Variants in RUVBL1 observed in about 807,000 individuals in gnomAD.
RUVBL1 encodes ruvB-like 1.
Under a neutral mutation model 52.4 loss-of-function variants are expected in RUVBL1, and 4 were observed. The ratio of observed to expected loss-of-function variants is 0.08; its 90% CI spans 0.04 to 0.17. RUVBL1 has a LOEUF of 0.17. Among genes scored for constraint, RUVBL1 ranks in the 10% least tolerant of loss-of-function variants. The probability of loss-of-function intolerance (pLI) is 1.00; values close to 1 mark genes in which losing one functional copy is unlikely to be tolerated. For missense variants in RUVBL1, 298 were observed against 572.8 expected, an observed-to-expected ratio of 0.52 and a Z score of 4.90; for synonymous variants, 217 against 214.4, an observed-to-expected ratio of 1.01 and a Z score of -0.10.
chr3:128,130,582 G>T (rs1943857805), intron 1 of RUVBL1, among the ~76,000 whole-genome samples: 1 of 110,406 alleles, frequency 9.1e-6, no homozygotes. Flanking sequence ...GAAATAGCAA[G>T]ACCCCATCTC....
rs573674957 is a variant in RUVBL1 at position 128,153,419 on chromosome 3, CG to C, written c.-257del. 15 of 1,418,030 alleles carry C rather than the reference CG, an allele frequency of 1.1e-5. No individual in the cohort carries two copies. The African/African-American group carries it at 1.1e-4, about 10-fold the overall frequency. 87.8% of individuals were successfully genotyped at this position (1,418,030 alleles called of 1,614,324 possible). On this transcript the variant is annotated 5_prime_UTR_variant, in exon 1 of 10. Coordinates refer to the RUVBL1 transcript ENST00000464873. ...ACGGGTGTGCACAGCGCGCCGGTTA[CG>C]GGGGGGCAACTTAACGGGCCGGACC...
intron 1 of RUVBL1, among the ~76,000 whole-genome samples, chr3:128,142,817 G>C (rs1260687262): frequency 6.6e-6 from 1 of 151,832 alleles, no homozygotes; most frequent in Admixed American, 6.6e-5. Flanking sequence ...GTCTCACTCT[G>C]TCGCCCAGGC....
intron 1 of RUVBL1, among the ~76,000 whole-genome samples, chr3:128,137,179 C>A (rs969721899): frequency 8.6e-5 from 13 of 151,738 alleles, no homozygotes; most frequent in South Asian, 6.2e-4. Flanking sequence ...CAAACCAAAT[C>A]TAAAATTAGT....
intron 8 of RUVBL1, among the ~76,000 whole-genome samples, chr3:128,092,464 C>A (rs1942864249): frequency 6.6e-6 from 1 of 151,420 alleles, no homozygotes; most frequent in African/African-American, 2.4e-5. Flanking sequence ...TGATAAAGAT[C>A]TAGTATCCAG....
chr3:128,115,950 AC>A (rs1295723936), intron 2 of RUVBL1, among the ~76,000 whole-genome samples: 1 of 151,846 alleles, frequency 6.6e-6, no homozygotes, highest in African/African-American at 2.4e-5. Flanking sequence ...AAATGGCGAT[AC>A]CCCATCTCTA....
intron 9 of RUVBL1, among the ~76,000 whole-genome samples, chr3:128,085,703 C>T (rs1942623914): frequency 6.6e-6 from 1 of 152,214 alleles, no homozygotes; most frequent in Non-Finnish European, 1.5e-5. Flanking sequence ...GTAAGAGATG[C>T]TGGCAGGCCC....
chr3:128,077,846 C>G (rs903485214), downstream of RUVBL1, among the ~76,000 whole-genome samples: 2 of 152,214 alleles, frequency 1.3e-5, no homozygotes, highest in Admixed American at 1.3e-4. Context: ...TGACCTCTTT[C>G]CAAGTGGGCC....
chr3:128,143,458 A>C (rs140036421), intron 1 of RUVBL1, among the ~76,000 whole-genome samples: 2 of 152,260 alleles, frequency 1.3e-5, no homozygotes, highest in African/African-American at 4.8e-5. Context: ...GGCGTGAGCC[A>C]CAGTGCCCCG....
chr3:128,067,709 T>G lies in RUVBL1; in HGVS notation c.940-2489A>C. ...TCATCATAAATAATGGTCTGTGACG[T>G]GTGCAGATAGATCGTCGTCCTTTAG... On this transcript the variant is annotated intron_variant, in intron 9 of 9. Coordinates refer to the RUVBL1 transcript ENST00000464873. This position sits in a 1 kb window ranked among gnomAD's most constrained non-coding sequence, Gnocchi z 4.1. The G allele has an allele frequency of 1.0e-6, 1 of 1,000,024 alleles. No homozygotes were observed. Among genetic ancestry groups the G allele is most frequent in the South Asian group, 1.6e-5 (1 of 63,508 alleles). The allele number at this position is 1,000,024 out of a possible 1,614,324, so 61.9% of individuals were successfully genotyped here.
intron 3 of RUVBL1, among the ~76,000 whole-genome samples, chr3:128,106,069 T>C (rs919238176): frequency 1.3e-5 from 2 of 151,828 alleles, no homozygotes; most frequent in African/African-American, 2.4e-5. Context: ...TTAGTAGAGA[T>C]AGGTTTCACC....
chr3:128,103,284 G>A (rs528969462), intron 4 of RUVBL1, among the ~76,000 whole-genome samples: 4 of 151,914 alleles, frequency 2.6e-5, no homozygotes, highest in Non-Finnish European at 2.9e-5. Context: ...TTTTTATATC[G>A]GTTAATTTCC....
chr3:128,127,055 A>C (rs1170001429), upstream of RUVBL1, among the ~76,000 whole-genome samples: 3 of 152,200 alleles, frequency 2.0e-5, no homozygotes, highest in Admixed American at 1.3e-4. Context: ...TACTGGACAT[A>C]TCAGGAGAGA....
At chr3:128,130,298 C>G (rs1943853275) in intron 1 of RUVBL1, among the ~76,000 whole-genome samples, 1 of 151,916 alleles carries the variant, frequency 6.6e-6, no homozygotes, top group South Asian at 2.1e-4. Context: ...ATGAAATAGA[C>G]AAATTTGTGG....
At chr3:128,089,372 TG>T (rs200015518) in intron 8 of RUVBL1, among the ~76,000 whole-genome samples, 3,435 of 152,352 alleles carry the variant, frequency 0.023, 54 homozygotes, top group Middle Eastern at 0.044. Context: ...CCTTGGCCTC[TG>T]GGGGTCCTAA....
At chr3:128,153,875 C>A in exon 1 of RUVBL1, 1 of 1,448,040 alleles carries the variant, frequency 6.9e-7, no homozygotes, top group Non-Finnish European at 9.0e-7. Context: ...GCGGAGCGAC[C>A]GGGCCCCGTG....
At chr3:128,132,381 G>A (rs563540188) in intron 1 of RUVBL1, among the ~76,000 whole-genome samples, 2 of 152,298 alleles carry the variant, frequency 1.3e-5, no homozygotes, top group Admixed American at 6.5e-5. Flanking sequence ...AACGTGGGGT[G>A]CATGTGACCT....
chr3:128,114,417 A>G (rs2107709061), intron 2 of RUVBL1, among the ~76,000 whole-genome samples: 1 of 152,336 alleles, frequency 6.6e-6, no homozygotes, highest in East Asian at 1.9e-4. Context: ...CAGGAACAGA[A>G]AGATTAGTGC....
At chr3:128,143,490 C>T (rs911541527) in intron 1 of RUVBL1, among the ~76,000 whole-genome samples, 2 of 152,164 alleles carry the variant, frequency 1.3e-5, no homozygotes, top group Non-Finnish European at 2.9e-5. Flanking sequence ...ATCTTAATCA[C>T]ATCTGTGGAG....
At position 128,085,539 on chromosome 3, in the gene RUVBL1, C is replaced by T. The variant is rs79604576; in HGVS notation, c.1119+2167G>A. Among the ~76,000 whole-genome samples the T allele has an allele frequency of 6.2e-4, 94 of 152,350 alleles. 1 individual carries two copies. In the East Asian group the frequency reaches 0.018, roughly 29 times the overall value. ...CAAGTCACCTGGCAAGACACCCTTACGTGGCGATGAGGCCCCCGGCCATTG... is the reference window on the plus strand; with the variant it reads ...CAAGTCACCTGGCAAGACACCCTTATGTGGCGATGAGGCCCCCGGCCATTG... On this transcript the variant is annotated intron_variant, in intron 9 of 10. Coordinates refer to ENST00000322623, the MANE Select transcript of RUVBL1 (RefSeq NM_003707.3).
Sources: gnomAD v4.1 joint callset for allele counts (sites outside exome capture counted in the v4.1 genomes callset) on GRCh38, gnomAD v4.1.1 for gene constraint, Gnocchi (gnomAD v3.1) non-coding constraint, MANE v1.5 for transcripts, NCBI Gene and HGNC (gene_info 2026-07-23, HGNC 2026-07-21) for gene names.